Variants in EXOSC9 observed in about 807,000 individuals in gnomAD.
The protein encoded by EXOSC9 is exosome complex component RRP45.
EXOSC9 carries 38 observed loss-of-function variants against 56.5 expected under a neutral mutation model. That is an observed-to-expected ratio of 0.67 (90% CI 0.52 to 0.88). EXOSC9 has a LOEUF of 0.88. Ranked by LOEUF, EXOSC9 falls within the 40% of genes least tolerant of loss-of-function variation. The probability of loss-of-function intolerance (pLI) is 0.00; values close to 1 mark genes in which losing one functional copy is unlikely to be tolerated. For missense variants in EXOSC9, 559 were observed against 530.5 expected (o/e 1.05, Z -0.53); for synonymous variants, 170 against 170.8 (o/e 0.99, Z 0.04).
At chr4:121,810,412 G>C (rs1727180128) in intron 7 of EXOSC9, among the ~76,000 whole-genome samples, 1 of 150,822 alleles carries the variant, frequency 6.6e-6, no homozygotes. Flanking sequence ...GGGCATGTTG[G>C]CTTACGCCTG....
Position 121,813,913 on chromosome 4 carries a change from A to C in EXOSC9, c.1022A>C (p.Glu341Ala). 1 of 1,613,290 alleles carries C rather than the reference A, an allele frequency of 6.2e-7. No individual in the cohort carries two copies. The highest frequency in any genetic ancestry group is 8.5e-7 in the Non-Finnish European group (1 of 1,179,360). The change falls in exon 10 of 12, where the codon GAG becomes GCG. Residue 341 changes from glutamate to alanine, a missense_variant. By Grantham distance (107) the Glu-to-Ala change is moderately radical. Transcript: ENST00000243498. ...ACTCCTGGAACTGCCCAAATTGGAG[A>C]GGGAGTAGAAAACTCCTGGGGTGAT... ...LWTPGTAQIG[E>A]GVENSWGDLE...
Position 121,801,835 on chromosome 4 carries a change from T to C in EXOSC9, c.75T>C (p.Asp25=). 6.2e-7 allele frequency: 1 copy of C among 1,613,028 alleles called. No individual in the cohort carries two copies. The highest frequency in any genetic ancestry group is 2.2e-5 in the East Asian group (1 of 44,880). Reference sequence around the variant, plus strand: ...TGAATTTGTGCTTACAGCGGCTGGATGGCAGACAAACCTATGATTATAGGA... The same window carrying C: ...TGAATTTGTGCTTACAGCGGCTGGACGGCAGACAAACCTATGATTATAGGA... The part of the protein sequence containing the change: ...LRAIEEKKRL[D]GRQTYDYRNI... Residue 25 remains aspartate, a synonymous_variant, in exon 2 of 12, where the codon GAT becomes GAC. Coordinates refer to ENST00000243498, the MANE Select transcript of EXOSC9 (RefSeq NM_005033.3).
In EXOSC9 at chr4:121,807,533, G is replaced by T; in HGVS notation, c.523-7G>T. ...CTATAATTATTAAACATTTTCTTTT[G>T]AAACAGTATACACCTGAAGAGCGTG... On this transcript the variant is annotated splice_region_variant and splice_polypyrimidine_tract_variant and intron_variant, in intron 5 of 11. Coordinates refer to ENST00000243498, the MANE Select transcript of EXOSC9 (RefSeq NM_005033.3). 6.4e-7 allele frequency: 1 copy of T among 1,564,192 alleles called. No homozygotes were observed. The highest frequency in any genetic ancestry group is 1.7e-5 in the Admixed American group (1 of 57,166).
In EXOSC9 at chr4:121,813,260, C is replaced by T. The variant is rs1553928834; in HGVS notation, c.854C>T (p.Ala285Val). Residue 285 changes from alanine to valine, a missense_variant, in exon 9 of 12, where the codon GCA becomes GTA. By Grantham distance (64) the Ala-to-Val change is moderately conservative. Transcript: ENST00000243498. Reference sequence around the variant, plus strand: ...AAAGAAGGTGGAAAGTTTGGTTTTGCAGAGTCTATAGCAAATCAAAGGATC... The same window carrying T: ...AAAGAAGGTGGAAAGTTTGGTTTTGTAGAGTCTATAGCAAATCAAAGGATC... ...VRKEGGKFGF[A>V]ESIANQRITA... 1 of 1,608,654 alleles carries T rather than the reference C, an allele frequency of 6.2e-7. No individual in the cohort carries two copies. Among genetic ancestry groups the T allele is most frequent in the Non-Finnish European group, 8.5e-7 (1 of 1,176,836 alleles).
In EXOSC9 at chr4:121,816,833, AAAAAG is replaced by A. The variant is rs1387814332; in HGVS notation, c.1300_1304del (p.Lys434GlufsTer15). 6.9e-6 allele frequency: 11 copies of A among 1,597,232 alleles called. No homozygotes were observed. The highest frequency in any genetic ancestry group is 2.2e-5 in the East Asian group (1 of 44,560). On this transcript the variant is annotated frameshift_variant, in exon 12 of 12. Transcript: ENST00000243498. LOFTEE classifies it high-confidence loss of function. The stretch of plus-strand genomic sequence containing the variant: ...AAGTAAAAAGCCAGTGAAAAGAAGA[AAAAAG>A]AAGAGAGCTGCCAATTAAAGCTAAC...
At chr4:121,816,501 G>C (rs1266567663) in intron 11 of EXOSC9, 54 bp downstream of exon 11, 3 of 1,180,054 alleles carry the variant, frequency 2.5e-6, no homozygotes, top group Non-Finnish European at 2.4e-6. Flanking sequence ...CACTTATAGA[G>C]GTTTGCTCTC....
At chr4:121,810,408 G>A (rs1231531662) in intron 7 of EXOSC9, among the ~76,000 whole-genome samples, 1 of 150,562 alleles carries the variant, frequency 6.6e-6, no homozygotes, top group African/African-American at 2.4e-5. Flanking sequence ...GGCCGGGCAT[G>A]TTGGCTTACG....
Position 121,804,746 on chromosome 4 carries a change from A to G in EXOSC9, c.509A>G (p.Asp170Gly). The part of the protein sequence containing the change: ...FRRPDVSVQG[D>G]EVTLYTPEER... ...AGACCTGATGTCTCTGTCCAAGGAGATGAAGTAACACTGGTAAGCTCCTAT... is the reference window on the plus strand; with the variant it reads ...AGACCTGATGTCTCTGTCCAAGGAGGTGAAGTAACACTGGTAAGCTCCTAT... Residue 170 changes from aspartate (D) to glycine (G), a missense_variant, in exon 5 of 12, where the codon GAT (aspartate) becomes GGT (glycine). Transcript: ENST00000243498. 6.2e-7 allele frequency: 1 copy of G among 1,608,552 alleles called. No homozygotes were observed. The highest frequency in any genetic ancestry group is 8.5e-7 in the Non-Finnish European group (1 of 1,176,328).
chr4:121,814,069 AC>A (rs1724379825), intron 10 of EXOSC9, 22 bp downstream of exon 10: 6 of 1,216,108 alleles, frequency 4.9e-6, no homozygotes, highest in East Asian at 2.5e-5. Context: ...TTTATGGCAC[AC>A]TTACTATATA....
chr4:121,814,106 A>G (rs1052441060), intron 10 of EXOSC9, 59 bp downstream of exon 10: 10 of 1,014,106 alleles, frequency 9.9e-6, no homozygotes, highest in Non-Finnish European at 1.5e-5. Context: ...ATTACCGTAT[A>G]GTTATATATA....
chr4:121,804,751 G>GTAAC lies in EXOSC9; in HGVS notation c.515_518dup (p.Leu174AsnfsTer6), dbSNP rs1282518198. On this transcript the variant is annotated frameshift_variant, in exon 5 of 12. Coordinates refer to ENST00000243498, the MANE Select transcript of EXOSC9 (RefSeq NM_005033.3). LOFTEE classifies it high-confidence loss of function. ...TGATGTCTCTGTCCAAGGAGATGAA[G>GTAAC]TAACACTGGTAAGCTCCTATGTGAA... 2.5e-6 allele frequency: 4 copies of GTAAC among 1,606,630 alleles called. No individual in the cohort carries two copies. Among genetic ancestry groups the GTAAC allele is most frequent in the Non-Finnish European group, 2.6e-6 (3 of 1,175,094 alleles).
chr4:121,801,890 G>T lies in EXOSC9; in HGVS notation c.130G>T (p.Gly44Ter). Residue 44 changes from glycine (G) to a stop codon, truncating the protein, a stop_gained, in exon 2 of 12, where the codon GGA becomes TGA. Coordinates refer to ENST00000243498, the MANE Select transcript of EXOSC9 (RefSeq NM_005033.3). LOFTEE classifies it high-confidence loss of function. ...CAGGATCTCATTTGGAACAGATTAC[G>T]GATGCTGCATTGTGGAACTTGGAAA... ...NIRISFGTDY[G>*]CCIVELGKTR... 6.2e-7 allele frequency: 1 copy of T among 1,613,624 alleles called. No homozygotes were observed. The highest frequency in any genetic ancestry group is 8.5e-7 in the Non-Finnish European group (1 of 1,179,568).
Position 121,814,334 on chromosome 4 carries a change from A to G in EXOSC9, c.1156+287A>G, listed in dbSNP as rs142101402. On this transcript the variant is annotated intron_variant, in intron 10 of 11. Coordinates refer to ENST00000243498, the MANE Select transcript of EXOSC9 (RefSeq NM_005033.3). ...CTAAATTATTGTGGCTAGCTGCAATACTAATGCTACTTTCTAAAAGAATAT... is the reference window on the plus strand; with the variant it reads ...CTAAATTATTGTGGCTAGCTGCAATGCTAATGCTACTTTCTAAAAGAATAT... 1.6e-3 allele frequency: 298 copies of G among 182,550 alleles called. 1 individual carries two copies. Among genetic ancestry groups the G allele is most frequent in the Non-Finnish European group, 2.9e-3 (257 of 87,316 alleles). 11.3% of individuals were successfully genotyped at this position (182,550 alleles called of 1,614,324 possible).
At chr4:121,816,522 C>A in intron 11 of EXOSC9, 75 bp downstream of exon 11, 1 of 987,648 alleles carries the variant, frequency 1.0e-6, no homozygotes, top group Non-Finnish European at 1.5e-6. Flanking sequence ...TGGTTTTACT[C>A]TCATCTTGCC....
intron 2 of EXOSC9, 114 bp downstream of exon 2, chr4:121,802,035 C>A: frequency 1.3e-6 from 1 of 747,046 alleles, no homozygotes; most frequent in South Asian, 1.7e-5. Flanking sequence ...CTTTGTTTAG[C>A]TGACAAAAAT....
chr4:121,801,730 C>G (rs1726871903), intron 1 of EXOSC9, 97 bp from the exon 2 acceptor site: 1 of 1,078,428 alleles, frequency 9.3e-7, no homozygotes, highest in Non-Finnish European at 1.4e-6. Context: ...TAGGATTCCA[C>G]TTTCCCCCAA....
intron 4 of EXOSC9, among the ~76,000 whole-genome samples, chr4:121,803,868 C>A (rs2149034387): frequency 6.6e-6 from 1 of 152,156 alleles, no homozygotes; most frequent in East Asian, 1.9e-4. Flanking sequence ...TTTTGACAAG[C>A]ATTTTCATCC....
At chr4:121,807,510 A>G (rs375133484) in intron 5 of EXOSC9, 30 bp from the exon 6 acceptor site, 56 of 1,376,056 alleles carry the variant, frequency 4.1e-5, no homozygotes, top group Non-Finnish European at 5.4e-5. Flanking sequence ...CTTAGTGACT[A>G]TAATTATTAA....
At chr4:121,801,795 G>C in intron 1 of EXOSC9, 32 bp from the exon 2 acceptor site, 1 of 1,554,914 alleles carries the variant, frequency 6.4e-7, no homozygotes, top group South Asian at 1.1e-5. Context: ...CTTGTTGAAG[G>C]AATAAATTAA....
Sources: gnomAD v4.1 joint callset for allele counts (sites outside exome capture counted in the v4.1 genomes callset) on GRCh38, gnomAD v4.1.1 for gene constraint, MANE v1.5 for transcripts, NCBI Gene and HGNC (gene_info 2026-07-23, HGNC 2026-07-21) for gene names.